RAD51B: variants seen among roughly 807,000 people sequenced by gnomAD.
RAD51B encodes the protein DNA repair protein RAD51 homolog 2.
In RAD51B, 38 loss-of-function variants were observed where a neutral mutation model predicts 42.2. The ratio of observed to expected loss-of-function variants is 0.90; its 90% confidence interval spans 0.70 to 1.18. The LOEUF (loss-of-function observed/expected upper bound fraction) is 1.18. RAD51B is among the 50% of genes most tolerant of loss of function. The pLI, the probability that RAD51B is intolerant of heterozygous loss-of-function variation, is 0.00. For synonymous variants in RAD51B, 154 were observed against 145.2 expected (o/e 1.06, Z -0.43); for missense variants, 373 against 400.7 (o/e 0.93, Z 0.59).
At chr14:68,101,559 G>T (rs2077289762) in intron 7 of RAD51B, among the ~76,000 whole-genome samples, 1 of 152,242 alleles carries the variant, frequency 6.6e-6, no homozygotes, top group African/African-American at 2.4e-5. Context: ...AAATCTTAAA[G>T]TTCCGAAATG....
chr14:67,892,769 TAGTGACTGACCCTCAATAG>T (rs2140069358), intron 7 of RAD51B, among the ~76,000 whole-genome samples: 1 of 152,352 alleles, frequency 6.6e-6, no homozygotes, highest in Non-Finnish European at 1.5e-5. Context: ...ATTGCATGCC[TAGTGACTGACCCTCAATAG>T]AAATGCTGGA....
intron 7 of RAD51B, among the ~76,000 whole-genome samples, chr14:68,121,065 A>G (rs375329522): frequency 6.6e-6 from 1 of 152,308 alleles, no homozygotes; most frequent in East Asian, 1.9e-4. Flanking sequence ...AATGGGTTAT[A>G]GGGAAGTTAG....
At chr14:67,868,587 G>T (rs1372497475) in intron 5 of RAD51B, among the ~76,000 whole-genome samples, 1 of 151,974 alleles carries the variant, frequency 6.6e-6, no homozygotes, top group Non-Finnish European at 1.5e-5. Flanking sequence ...GCCCACCACA[G>T]CTCAAGGAGG....
chr14:68,193,568 A>G (rs548217695), intron 7 of RAD51B, among the ~76,000 whole-genome samples: 1 of 152,244 alleles, frequency 6.6e-6, no homozygotes, highest in Non-Finnish European at 1.5e-5. Flanking sequence ...ACTTGGTAAA[A>G]TTCAAAATTC....
rs1041052705 is a variant in RAD51B at position 68,072,337 on chromosome 14, G to A, written c.756+185133G>A. 8.0e-5 allele frequency among the ~76,000 whole-genome samples: 12 copies of A among 150,796 alleles called. 1 individual carries two copies. Among genetic ancestry groups the A allele is most frequent in the Admixed American group, 4.7e-4 (7 of 15,048 alleles). ...TTAACTTACATTATCACAAGGTCCC[G>A]CAATAGGCTGTCTGCAAGCTGAGGA... On this transcript the variant is annotated intron_variant, in intron 7 of 10. Coordinates refer to ENST00000471583, the MANE Select transcript of RAD51B (RefSeq NM_133510.4).
intron 7 of RAD51B, among the ~76,000 whole-genome samples, chr14:68,211,990 T>G (rs551755150): frequency 2.0e-4 from 31 of 152,348 alleles, no homozygotes; most frequent in African/African-American, 7.5e-4. Context: ...CTGGTCAGAT[T>G]GTTATGGTCT....
intron 8 of RAD51B, among the ~76,000 whole-genome samples, chr14:68,347,378 G>T (rs1291865325): frequency 6.6e-6 from 1 of 152,218 alleles, no homozygotes; most frequent in Non-Finnish European, 1.5e-5. Flanking sequence ...GTACTGCAAA[G>T]ATTTGACTTT....
chr14:68,406,361 C>T (rs532058402), intron 8 of RAD51B, among the ~76,000 whole-genome samples: 1 of 152,356 alleles, frequency 6.6e-6, no homozygotes, highest in Admixed American at 6.5e-5. Context: ...TCCTAGTCTA[C>T]AGACCCATTC....
intron 7 of RAD51B, among the ~76,000 whole-genome samples, chr14:68,146,995 C>T (rs890276251): frequency 2.0e-5 from 3 of 152,046 alleles, no homozygotes; most frequent in African/African-American, 7.2e-5. Flanking sequence ...TTGGGTTCAT[C>T]CAGATGGGAT....
chr14:68,228,426 A>G (rs1160515813), intron 7 of RAD51B, among the ~76,000 whole-genome samples: 1 of 152,226 alleles, frequency 6.6e-6, no homozygotes, highest in African/African-American at 2.4e-5. Flanking sequence ...TGCTTAATCA[A>G]TGTTGAATCA....
intron 8 of RAD51B, among the ~76,000 whole-genome samples, chr14:68,360,716 T>C (rs2083007246): frequency 6.6e-6 from 1 of 152,208 alleles, no homozygotes; most frequent in Non-Finnish European, 1.5e-5. Flanking sequence ...AGGTTGATGA[T>C]AAAAGCATAA....
chr14:68,180,938 T>C (rs1409246151), intron 7 of RAD51B, among the ~76,000 whole-genome samples: 1 of 152,128 alleles, frequency 6.6e-6, no homozygotes, highest in Non-Finnish European at 1.5e-5. Context: ...GCAAGACAAG[T>C]TATCATCACC....
chr14:68,080,003 C>T (rs1199879279), intron 7 of RAD51B, among the ~76,000 whole-genome samples: 1 of 152,158 alleles, frequency 6.6e-6, no homozygotes, highest in Non-Finnish European at 1.5e-5. Context: ...AGATAGTTCA[C>T]AAATTTCCTG....
chr14:68,103,929 G>A (rs1409742872), intron 7 of RAD51B, among the ~76,000 whole-genome samples: 1 of 152,142 alleles, frequency 6.6e-6, no homozygotes, highest in Non-Finnish European at 1.5e-5. Context: ...GCACTAGTTG[G>A]CATTTTTCAG....
rs1368818851 is a variant in RAD51B at position 67,850,799 on chromosome 14, GT to G, written c.316-14201del. Reference sequence around the variant, plus strand: ...GAATTGTGCCACAGTCTCTGTGGGGGTTTGGGGTGCTACACAAGCCCCTTCT... The same window carrying G: ...GAATTGTGCCACAGTCTCTGTGGGGGTTGGGGTGCTACACAAGCCCCTTCT... On this transcript the variant is annotated intron_variant, in intron 4 of 10. Transcript: ENST00000471583. Among the ~76,000 whole-genome samples, 8 of 152,214 alleles carry G rather than the reference GT, an allele frequency of 5.3e-5. No individual in the cohort carries two copies. The East Asian group carries it at 1.5e-3, about 29-fold the overall frequency.
chr14:68,642,129 G>A (rs1344533525), intron 10 of RAD51B, among the ~76,000 whole-genome samples: 1 of 152,166 alleles, frequency 6.6e-6, no homozygotes, highest in Non-Finnish European at 1.5e-5. Context: ...GAATGAGTTA[G>A]GAGGTATGCC....
intron 10 of RAD51B, among the ~76,000 whole-genome samples, chr14:68,578,138 C>T (rs532178283): frequency 2.0e-5 from 3 of 152,232 alleles, no homozygotes; most frequent in Non-Finnish European, 2.9e-5. Context: ...AGATAAAGAA[C>T]GTAATGGCTG....
chr14:68,114,724 G>A (rs1349983605), intron 7 of RAD51B, among the ~76,000 whole-genome samples: 1 of 151,994 alleles, frequency 6.6e-6, no homozygotes, highest in Non-Finnish European at 1.5e-5. Flanking sequence ...ATTTTTATTG[G>A]ATGTGAGATC....
At chr14:68,475,715 C>G (rs959830693) in intron 10 of RAD51B, among the ~76,000 whole-genome samples, 1 of 151,740 alleles carries the variant, frequency 6.6e-6, no homozygotes, top group African/African-American at 2.4e-5. Flanking sequence ...AACAAAATAT[C>G]AGTTGAAATA....
Sources: allele counts gnomAD v4.1 joint callset (sites outside exome capture counted in the v4.1 genomes callset), GRCh38; gene constraint gnomAD v4.1.1; transcripts MANE v1.5; gene names NCBI Gene and HGNC (gene_info 2026-07-23, HGNC 2026-07-21).